METTL13: variants seen among roughly 807,000 people sequenced by gnomAD.
The protein encoded by METTL13 is methyltransferase 13, eEF1A N-terminus and K55.
A neutral mutation model predicts 67.4 loss-of-function variants in METTL13; 52 were observed. The observed-to-expected ratio is 0.77, with a 90% CI of 0.62 to 0.97. The LOEUF is 0.97. Ranked by LOEUF, METTL13 falls within the 50% of genes least tolerant of loss-of-function variation. The pLI, the probability that METTL13 is intolerant of heterozygous loss-of-function variation, is 0.00. For missense variants in METTL13, 825 were observed against 889.6 expected (o/e 0.93, Z 0.92); for synonymous variants, 354 against 353.6 (o/e 1.00, Z -0.01).
chr1:171,796,380 A>T, intron 7 of METTL13, 102 bp from the exon 8 acceptor site: 1 of 1,399,384 alleles, frequency 7.1e-7, no homozygotes. Context: ...TTAGTCCACC[A>T]GTCTCCCTGG....
Position 171,784,302 on chromosome 1 carries a change from C to A in METTL13, c.716C>A (p.Ala239Asp). 1 of 1,608,978 alleles carries A rather than the reference C, an allele frequency of 6.2e-7. No homozygotes were observed. Residue 239 changes from alanine to aspartate, a missense_variant, in exon 2 of 8, where the codon GCC becomes GAC. Physicochemically the swap from Ala to Asp is moderately radical, Grantham distance 126 (BLOSUM62 -2). Coordinates refer to ENST00000361735, the MANE Select transcript of METTL13 (RefSeq NM_015935.5). ...CGCAAGCCTGTGCGGCTGGAGAGTG[C>A]CGAGCGGCTGGCCGAGGCGGTGCAG... ...EQRKPVRLESAERLAEAVQER... is the reference protein window; with the variant it reads ...EQRKPVRLESDERLAEAVQER...
At position 171,796,921 on chromosome 1, in the gene METTL13, G is replaced by A. The variant is rs2029863081; in HGVS notation, c.*165G>A. 1 of 897,618 alleles carries A rather than the reference G, an allele frequency of 1.1e-6. No individual in the cohort carries two copies. The highest frequency in any genetic ancestry group is 1.7e-5 in the African/African-American group (1 of 59,284). The allele number at this position is 897,618 out of a possible 1,614,324, so 55.6% of individuals were successfully genotyped here. On this transcript the variant is annotated 3_prime_UTR_variant, in exon 8 of 8. Coordinates refer to ENST00000361735, the MANE Select transcript of METTL13 (RefSeq NM_015935.5). ...TTGGTGAGGTTGCCTGAAGATTAGG[G>A]AAAATAAAAATGTCCTTCCCATCTT...
chr1:171,796,447 G>A, intron 7 of METTL13, 35 bp from the exon 8 acceptor site: 5 of 1,610,146 alleles, frequency 3.1e-6, no homozygotes, highest in Non-Finnish European at 4.2e-6. Flanking sequence ...GTCTCCTGAT[G>A]TGAGGTCATT....
At chr1:171,794,632 A>C (rs1657307872) in intron 7 of METTL13, 105 bp downstream of exon 7, 7 of 1,503,982 alleles carry the variant, frequency 4.7e-6, no homozygotes, top group Non-Finnish European at 6.3e-6. Flanking sequence ...CAATTTTTCC[A>C]AATTTAATAC....
chr1:171,792,251 C>A lies in METTL13; in HGVS notation c.1693+16C>A. The A allele has an allele frequency of 6.2e-7, 1 of 1,613,676 alleles. No individual in the cohort carries two copies. The highest frequency in any genetic ancestry group is 8.5e-7 in the Non-Finnish European group (1 of 1,179,748). ...GGAGGAGAAGGTACTGCTCTTGGAGCATTTGAAGGGGTGTTGAGGGATGAT... is the reference window on the plus strand; with the variant it reads ...GGAGGAGAAGGTACTGCTCTTGGAGAATTTGAAGGGGTGTTGAGGGATGAT... On this transcript the variant is annotated intron_variant, in intron 6 of 7. Coordinates refer to ENST00000361735, the MANE Select transcript of METTL13 (RefSeq NM_015935.5).
intron 6 of METTL13, among the ~76,000 whole-genome samples, chr1:171,793,906 G>A (rs1238679079): frequency 1.3e-5 from 2 of 152,192 alleles, no homozygotes; most frequent in Non-Finnish European, 2.9e-5. Flanking sequence ...TAGATCAGTG[G>A]TTCTCAACTC....
intron 1 of METTL13, among the ~76,000 whole-genome samples, chr1:171,783,233 A>G (rs6656852): frequency 0.18 from 28,127 of 152,120 alleles, 2,718 homozygotes; most frequent in African/African-American, 0.2. Flanking sequence ...AGAGGGAGAC[A>G]ACAATCTGAA....
chr1:171,787,657 CA>C lies in METTL13; in HGVS notation c.1114-74del. The C allele has an allele frequency of 1.5e-5, 21 of 1,373,100 alleles. No homozygotes were observed. In the South Asian group the frequency reaches 2.9e-4, roughly 19 times the overall value. 85.1% of individuals were successfully genotyped at this position (1,373,100 alleles called of 1,614,324 possible). ...ACCGTGGTATGGGGATATATACACA[CA>C]AAAGGGAAGGGGTTATAATTTCTCT... On this transcript the variant is annotated intron_variant, in intron 3 of 7. Coordinates refer to ENST00000361735, the MANE Select transcript of METTL13 (RefSeq NM_015935.5).
intron 7 of METTL13, among the ~76,000 whole-genome samples, chr1:171,795,173 G>T (rs1657327153): frequency 6.6e-6 from 1 of 152,122 alleles, no homozygotes; most frequent in Non-Finnish European, 1.5e-5. Flanking sequence ...CATGATGTTT[G>T]TGAGACTCAT....
Position 171,781,861 on chromosome 1 carries a change from A to C in METTL13, c.-107A>C. On this transcript the variant is annotated 5_prime_UTR_variant, in exon 1 of 8. Coordinates refer to ENST00000361735, the MANE Select transcript of METTL13 (RefSeq NM_015935.5). ...AATGTGGCTGTTTTTCCGTGGAAAG[A>C]ATTCCCACTGCAGTGTCCCGGAGCC... The C allele has an allele frequency of 6.5e-7, 1 of 1,531,578 alleles. No individual in the cohort carries two copies. The allele number at this position is 1,531,578 out of a possible 1,614,324, so 94.9% of individuals were successfully genotyped here. A position where few individuals can be genotyped will look rare whatever the true frequency, so the allele number is the denominator to read the frequency against.
At position 171,781,699 on chromosome 1, in the gene METTL13, A is replaced by C; in HGVS notation, c.-269A>C. ...ATGGGCTCGGAAATCTAGTTCGGGA[A>C]AAGTGTGAGGGGCTCTTCACGTGGG... is the stretch of plus-strand genomic sequence containing the variant. On this transcript the variant is annotated 5_prime_UTR_variant, in exon 1 of 8. Transcript: ENST00000361735. 2 of 1,099,952 alleles carry C rather than the reference A, an allele frequency of 1.8e-6. No individual in the cohort carries two copies. The highest frequency in any genetic ancestry group is 2.3e-6 in the Non-Finnish European group (2 of 858,618). 68.1% of individuals were successfully genotyped at this position (1,099,952 alleles called of 1,614,324 possible).
Position 171,781,713 on chromosome 1 carries a change from T to A in METTL13, c.-255T>A, listed in dbSNP as rs1342531853. ...CTAGTTCGGGAAAAGTGTGAGGGGC[T>A]CTTCACGTGGGGAAGGAACAGCAGG... On this transcript the variant is annotated 5_prime_UTR_variant, in exon 1 of 8. Coordinates refer to ENST00000361735, the MANE Select transcript of METTL13 (RefSeq NM_015935.5). The A allele has an allele frequency of 8.2e-7, 1 of 1,216,138 alleles. No individual in the cohort carries two copies. Among genetic ancestry groups the A allele is most frequent in the South Asian group, 1.9e-5 (1 of 53,316 alleles). 75.3% of individuals were successfully genotyped at this position (1,216,138 alleles called of 1,614,324 possible).
Position 171,796,865 on chromosome 1 carries a change from G to A in METTL13, c.*109G>A, listed in dbSNP as rs2029863037. On this transcript the variant is annotated 3_prime_UTR_variant, in exon 8 of 8. Transcript: ENST00000361735. ...CTTTTGAAGCTTCGTATTTTTCTTG[G>A]TTTCACACTCAGCTACATGTGACCT... 7.1e-7 allele frequency: 1 copy of A among 1,416,590 alleles called. No homozygotes were observed. Among genetic ancestry groups the A allele is most frequent in the Admixed American group, 2.2e-5 (1 of 44,630 alleles). The allele number at this position is 1,416,590 out of a possible 1,614,324, so 87.8% of individuals were successfully genotyped here. A position where few individuals can be genotyped will look rare whatever the true frequency, so the allele number is the denominator to read the frequency against.
Position 171,787,732 on chromosome 1 carries a change from C to A in METTL13, c.1114-3C>A, listed in dbSNP as rs140184728. 217 of 1,609,658 alleles carry A rather than the reference C, an allele frequency of 1.3e-4. 1 individual carries two copies. Among genetic ancestry groups the A allele is most frequent in the Middle Eastern group, 1.7e-4 (1 of 6,046 alleles). On this transcript the variant is annotated splice_region_variant and splice_polypyrimidine_tract_variant and intron_variant, in intron 3 of 7. Transcript: ENST00000361735. ...TTGACCACATCTCTGGTTGTACCTT[C>A]AGGTCCCCTTTCTGTCTGTGGGTGG...
rs368760590 is a variant in METTL13, at chr1:171,796,794, T to C, written c.*38T>C. ...AGCAGCCCTCCTGCCTAGACTGACC[T>C]TGGACTCCCAGCCTGCCAGAGAATG... is the stretch of plus-strand genomic sequence containing the variant. On this transcript the variant is annotated 3_prime_UTR_variant, in exon 8 of 8. Coordinates refer to ENST00000361735, the MANE Select transcript of METTL13 (RefSeq NM_015935.5). The C allele has an allele frequency of 2.5e-5, 40 of 1,596,788 alleles. No homozygotes were observed. In the African/African-American group the frequency reaches 3.6e-4, roughly 14 times the overall value.
intron 7 of METTL13, among the ~76,000 whole-genome samples, chr1:171,795,998 C>A (rs1351884508): frequency 1.3e-5 from 2 of 152,032 alleles, no homozygotes; most frequent in Non-Finnish European, 2.9e-5. Flanking sequence ...TCCCTAGCAG[C>A]TGGGATTACA....
intron 7 of METTL13, among the ~76,000 whole-genome samples, chr1:171,795,664 T>TA (rs1657343436): frequency 6.6e-6 from 1 of 152,248 alleles, no homozygotes; most frequent in South Asian, 2.1e-4. Flanking sequence ...CTGGAGCCTT[T>TA]AATCCCTATG....
intron 4 of METTL13, 113 bp downstream of exon 4, chr1:171,788,043 A>G (rs948228542): frequency 5.1e-6 from 5 of 988,554 alleles, no homozygotes; most frequent in African/African-American, 4.8e-5. Context: ...GTTCTTAACC[A>G]TCTGGACTCT....
rs541763690 is a variant in METTL13, at chr1:171,788,432, T to C, written c.1309+502T>C. ...GGTCGCGACTAGCCATATGTAGTGC[T>C]GAGCGTTTGGAATGTGGCTAGTGTA... is the stretch of plus-strand genomic sequence containing the variant. On this transcript the variant is annotated intron_variant, in intron 4 of 7. Transcript: ENST00000361735. Among the ~76,000 whole-genome samples, 6 of 152,368 alleles carry C rather than the reference T, an allele frequency of 3.9e-5. No homozygotes were observed. In the South Asian group the frequency reaches 6.2e-4, roughly 16 times the overall value.
Sources: gnomAD v4.1 joint callset for allele counts (sites outside exome capture counted in the v4.1 genomes callset) on GRCh38, gnomAD v4.1.1 for gene constraint, MANE v1.5 for transcripts, NCBI Gene and HGNC (gene_info 2026-07-23, HGNC 2026-07-21) for gene names.